Variants in MGMT observed in about 807,000 individuals in gnomAD.
The protein encoded by MGMT is methylated-DNA--protein-cysteine methyltransferase.
Under a neutral mutation model 15.9 loss-of-function variants are expected in MGMT, and 14 were observed. The ratio of observed to expected loss-of-function variants is 0.88; its 90% CI spans 0.58 to 1.37. The LOEUF is 1.37. Ranked by LOEUF, MGMT falls within the 40% of genes most tolerant of loss-of-function variation. The pLI is 0.00. For missense variants in MGMT, 282 were observed against 268.1 expected (o/e 1.05, Z -0.36); for synonymous variants, 130 against 118.2 (o/e 1.10, Z -0.65).
Position 129,629,972 on chromosome 10 carries a change from C to T in MGMT, c.126-77923C>T, listed in dbSNP as rs534934096. Among the ~76,000 whole-genome samples, 7 of 152,340 alleles carry T rather than the reference C, an allele frequency of 4.6e-5. No homozygotes were observed. In the South Asian group the frequency reaches 6.2e-4, roughly 14 times the overall value. The stretch of plus-strand genomic sequence containing the variant: ...CAGAGAAGGTAAATAGCATGTCAGC[C>T]GCCAAGGCCCTCACACACACGGATC... On this transcript the variant is annotated intron_variant, in intron 2 of 4. Coordinates refer to ENST00000651593, the MANE Select transcript of MGMT (RefSeq NM_002412.5).
chr10:129,495,428 C>T (rs1382965618), intron 1 of MGMT, among the ~76,000 whole-genome samples: 2 of 152,212 alleles, frequency 1.3e-5, no homozygotes, highest in African/African-American at 4.8e-5. Flanking sequence ...GTGCTTATTA[C>T]AGTCGGTGCA....
chr10:129,633,459 T>C (rs1285981827), intron 2 of MGMT, among the ~76,000 whole-genome samples: 2 of 152,226 alleles, frequency 1.3e-5, no homozygotes, highest in Non-Finnish European at 2.9e-5. Context: ...TACTCTCAAA[T>C]GATGATAATG....
chr10:129,766,095 T>G (rs1440938506), intron 4 of MGMT, among the ~76,000 whole-genome samples: 1 of 152,162 alleles, frequency 6.6e-6, no homozygotes, highest in Non-Finnish European at 1.5e-5. Context: ...ATCCGGGGCC[T>G]GTGTATGGCT....
chr10:129,578,087 A>T (rs978124495), intron 2 of MGMT, among the ~76,000 whole-genome samples: 1 of 152,206 alleles, frequency 6.6e-6, no homozygotes, highest in East Asian at 1.9e-4. Flanking sequence ...TGTTGGTGGG[A>T]CTGTAAAGTA....
intron 2 of MGMT, among the ~76,000 whole-genome samples, chr10:129,561,926 G>A (rs899516914): frequency 1.3e-5 from 2 of 152,162 alleles, no homozygotes; most frequent in Non-Finnish European, 2.9e-5. Context: ...TGACTCCAGA[G>A]TCATTGTCTA....
At chr10:129,561,679 G>A (rs1422967875) in intron 2 of MGMT, among the ~76,000 whole-genome samples, 6 of 152,274 alleles carry the variant, frequency 3.9e-5, no homozygotes, top group African/African-American at 1.4e-4. Context: ...CCGAGACACA[G>A]TTTATTGGAG....
intron 2 of MGMT, among the ~76,000 whole-genome samples, chr10:129,606,271 G>C (rs1312260771): frequency 6.6e-6 from 1 of 152,206 alleles, no homozygotes; most frequent in East Asian, 1.9e-4. Context: ...CTGCCTGCCT[G>C]CCTGTCTGGC....
intron 1 of MGMT, among the ~76,000 whole-genome samples, chr10:129,531,131 C>A (rs1181271881): frequency 6.6e-6 from 1 of 152,112 alleles, no homozygotes; most frequent in Non-Finnish European, 1.5e-5. Flanking sequence ...GGTCTGGCCT[C>A]CCCCGTTGAA....
At chr10:129,744,255 A>G (rs1441791608) in intron 3 of MGMT, among the ~76,000 whole-genome samples, 1 of 152,094 alleles carries the variant, frequency 6.6e-6, no homozygotes, top group Non-Finnish European at 1.5e-5. Flanking sequence ...GTCTCTACAC[A>G]AGGCATTGGA....
At chr10:129,626,168 G>T (rs1415890193) in intron 2 of MGMT, among the ~76,000 whole-genome samples, 1 of 152,178 alleles carries the variant, frequency 6.6e-6, no homozygotes, top group Non-Finnish European at 1.5e-5. Flanking sequence ...CCGCGCTTGG[G>T]AAGAGCCACT....
chr10:129,756,852 A>T (rs754003552), intron 3 of MGMT, among the ~76,000 whole-genome samples: 16 of 152,202 alleles, frequency 1.1e-4, no homozygotes, highest in Non-Finnish European at 2.4e-4. Context: ...GGTCACCTCA[A>T]CCTCAAGAAC....
intron 2 of MGMT, among the ~76,000 whole-genome samples, chr10:129,543,272 C>G (rs1846064066): frequency 7.9e-6 from 1 of 126,200 alleles, no homozygotes; most frequent in South Asian, 2.9e-4. Context: ...GCGTGAAAAC[C>G]CTGCCGTTGT....
rs563490734 is a variant in MGMT at position 129,766,270 on chromosome 10, G to A, written c.415-518G>A. Among the ~76,000 whole-genome samples the A allele has an allele frequency of 3.3e-5, 5 of 152,286 alleles. No individual in the cohort carries two copies. In the East Asian group the frequency reaches 9.7e-4, roughly 30 times the overall value. ...AAAGGCATGGCTGCGTTCCAGTAAA[G>A]CTTCATTTGCAAAAGCAGGTGGTGG... On this transcript the variant is annotated intron_variant, in intron 4 of 4. Transcript: ENST00000651593.
chr10:129,755,621 G>A (rs1388522118), intron 3 of MGMT, among the ~76,000 whole-genome samples: 1 of 152,212 alleles, frequency 6.6e-6, no homozygotes, highest in African/African-American at 2.4e-5. Context: ...TGAGGGAAAG[G>A]AGACTCCTCC....
chr10:129,551,456 G>C (rs1286796160), intron 2 of MGMT, among the ~76,000 whole-genome samples: 2 of 152,236 alleles, frequency 1.3e-5, no homozygotes, highest in East Asian at 3.9e-4. Flanking sequence ...ACTTCAGGAA[G>C]AGCATCAGCT....
chr10:129,585,247 A>G (rs572769796), intron 2 of MGMT, among the ~76,000 whole-genome samples: 1 of 152,320 alleles, frequency 6.6e-6, no homozygotes, highest in East Asian at 1.9e-4. Flanking sequence ...TTTATTCACA[A>G]TAGGGCTGGT....
In MGMT at chr10:129,679,381, C is replaced by A. The variant is rs58389957; in HGVS notation, c.126-28514C>A. Among the ~76,000 whole-genome samples the A allele has an allele frequency of 9.2e-4, 140 of 152,152 alleles. 1 individual carries two copies. Among genetic ancestry groups the A allele is most frequent in the African/African-American group, 3.1e-3 (130 of 41,506 alleles). Reference sequence around the variant, plus strand: ...GGACCCTGCGGGCTTCCACAACTGGCATGAGGTCTGAGTCCCGGTGTTTCA... The same window carrying A: ...GGACCCTGCGGGCTTCCACAACTGGAATGAGGTCTGAGTCCCGGTGTTTCA... On this transcript the variant is annotated intron_variant, in intron 2 of 4. Coordinates refer to ENST00000651593, the MANE Select transcript of MGMT (RefSeq NM_002412.5).
At chr10:129,490,930 C>T (rs1347827906) in intron 1 of MGMT, among the ~76,000 whole-genome samples, 2 of 152,208 alleles carry the variant, frequency 1.3e-5, no homozygotes, top group African/African-American at 4.8e-5. Flanking sequence ...TACTTTGCCA[C>T]TTCCTGAATA....
At chr10:129,695,708 C>G (rs181728390) in intron 2 of MGMT, among the ~76,000 whole-genome samples, 55 of 152,302 alleles carry the variant, frequency 3.6e-4, no homozygotes, top group African/African-American at 1.1e-3. Flanking sequence ...CATGGGCTCA[C>G]AGGAGAAAGC....
Sources: allele counts gnomAD v4.1 joint callset (sites outside exome capture counted in the v4.1 genomes callset), GRCh38; gene constraint gnomAD v4.1.1; transcripts MANE v1.5; gene names NCBI Gene and HGNC (gene_info 2026-07-23, HGNC 2026-07-21).